ZC3H12B: variants seen among roughly 807,000 people sequenced by gnomAD.
ZC3H12B encodes the protein zinc finger CCCH-type containing 12B.
In ZC3H12B, 7 loss-of-function variants were observed where a neutral mutation model predicts 43.9. The ratio of observed to expected loss-of-function variants is 0.16; its 90% CI spans 0.09 to 0.30. ZC3H12B has a LOEUF of 0.30. Ranked by LOEUF, ZC3H12B falls within the 10% of genes least tolerant of loss-of-function variation. The pLI, the probability that ZC3H12B is intolerant of heterozygous loss-of-function variation, is 1.00. For synonymous variants in ZC3H12B, 222 were observed against 241.7 expected (o/e 0.92, Z 0.76); for missense variants, 475 against 670.2 (o/e 0.71, Z 3.22).
At chrX:65,129,254 T>C in the ZC3H12B span, among the ~76,000 whole-genome samples, 1 of 89,673 alleles carries the variant, frequency 1.1e-5, no homozygotes, top group African/African-American at 7.4e-5. Flanking sequence ...TGTGTGTATA[T>C]ATGTATATAT....
chrX:65,092,320 T>G, the ZC3H12B span, among the ~76,000 whole-genome samples: 1 of 111,526 alleles, frequency 9.0e-6, no homozygotes, highest in African/African-American at 3.3e-5. Context: ...CACAGAGAAG[T>G]GGGGCATTGT....
the ZC3H12B span, among the ~76,000 whole-genome samples, chrX:65,231,235 A>T: frequency 9.0e-6 from 1 of 111,140 alleles, no homozygotes; most frequent in Non-Finnish European, 1.9e-5. Context: ...TGGGTCACAG[A>T]GATCACATGC....
At chrX:65,177,415 A>C in the ZC3H12B span, among the ~76,000 whole-genome samples, 20 of 112,208 alleles carry the variant, frequency 1.8e-4, 1 homozygote, top group Non-Finnish European at 1.5e-4. Flanking sequence ...ATAGTATTGG[A>C]AGTTCTGGCC....
the ZC3H12B span, among the ~76,000 whole-genome samples, chrX:65,189,207 G>T: frequency 1.0e-4 from 11 of 105,017 alleles, no homozygotes; most frequent in African/African-American, 1.8e-4. Context: ...TGTTGGACAT[G>T]TGGGTTGGTT....
At chrX:65,174,311 CGTT>C in the ZC3H12B span, among the ~76,000 whole-genome samples, 2 of 112,270 alleles carry the variant, frequency 1.8e-5, no homozygotes, top group Non-Finnish European at 3.8e-5. Context: ...TCAAAAGTGA[CGTT>C]GTGTAAAAAT....
At chrX:65,344,706 A>T in the ZC3H12B span, among the ~76,000 whole-genome samples, 2 of 112,588 alleles carry the variant, frequency 1.8e-5, no homozygotes, top group Non-Finnish European at 3.8e-5. Flanking sequence ...ATGAAAGCAA[A>T]AACTGAAAAC....
the ZC3H12B span, among the ~76,000 whole-genome samples, chrX:65,265,014 G>T: frequency 8.9e-6 from 1 of 111,866 alleles, no homozygotes; most frequent in Non-Finnish European, 1.9e-5. Context: ...GCGAAGACTA[G>T]AATTCGGGAC....
At chrX:65,119,424 C>G in the ZC3H12B span, among the ~76,000 whole-genome samples, 56 of 111,772 alleles carry the variant, frequency 5.0e-4, no homozygotes, top group South Asian at 5.5e-3. Context: ...TTTTTCATGT[C>G]TCTGTTGGCT....
At chrX:65,269,293 G>A in the ZC3H12B span, among the ~76,000 whole-genome samples, 1 of 107,821 alleles carries the variant, frequency 9.3e-6, no homozygotes, top group East Asian at 2.9e-4. Flanking sequence ...TGCAGTGAAC[G>A]AAGATTGCAC....
At chrX:65,343,674 C>T in the ZC3H12B span, among the ~76,000 whole-genome samples, 4 of 112,078 alleles carry the variant, frequency 3.6e-5, no homozygotes, top group East Asian at 1.1e-3. Context: ...AAAGAACATA[C>T]ATGAAAATAA....
the ZC3H12B span, among the ~76,000 whole-genome samples, chrX:65,256,604 C>T: frequency 9.0e-6 from 1 of 111,369 alleles, no homozygotes; most frequent in African/African-American, 3.3e-5. Context: ...CTTGAATTAA[C>T]AACATAACAT....
the ZC3H12B span, among the ~76,000 whole-genome samples, chrX:65,068,752 G>A: frequency 5.5e-4 from 61 of 111,527 alleles, 1 homozygote; most frequent in East Asian, 0.017. Flanking sequence ...TTGCTAATTA[G>A]CATCTTTTTC....
intron 3 of ZC3H12B, among the ~76,000 whole-genome samples, chrX:65,452,776 G>C (rs1338565157): frequency 9.1e-6 from 1 of 109,345 alleles, no homozygotes; most frequent in Non-Finnish European, 1.9e-5. Context: ...GAGTGGTGGA[G>C]GTTACAGCAA....
chrX:65,230,081 C>A, the ZC3H12B span, among the ~76,000 whole-genome samples: 1 of 111,053 alleles, frequency 9.0e-6, no homozygotes, highest in Admixed American at 9.6e-5. Context: ...AAGACACATG[C>A]ACACGTATGT....
chrX:65,420,832 G>C (rs1175638086), intron 3 of ZC3H12B, among the ~76,000 whole-genome samples: 1 of 112,184 alleles, frequency 8.9e-6, no homozygotes, highest in Non-Finnish European at 1.9e-5. Context: ...AATTTCAATT[G>C]CATTTACTGT....
chrX:65,163,568 C>T, the ZC3H12B span, among the ~76,000 whole-genome samples: 1 of 111,782 alleles, frequency 8.9e-6, no homozygotes, highest in Non-Finnish European at 1.9e-5. Flanking sequence ...GTAGGACCCT[C>T]TGAGCTATGT....
chrX:65,455,093 G>C (rs187389201), intron 3 of ZC3H12B, among the ~76,000 whole-genome samples: 100 of 112,467 alleles, frequency 8.9e-4, no homozygotes, highest in African/African-American at 3.0e-3. Flanking sequence ...AAGGAATGCA[G>C]CTCCTCAACA....
At chrX:65,285,074 A>C in the ZC3H12B span, among the ~76,000 whole-genome samples, 1 of 110,423 alleles carries the variant, frequency 9.1e-6, no homozygotes, top group Non-Finnish European at 1.9e-5. Flanking sequence ...TTAATAAAAT[A>C]ATAGAAGAAA....
rs1279815061 is a variant in ZC3H12B at position 65,428,268 on chromosome X, C to T, written n.407+29564C>T. 3.6e-5 allele frequency among the ~76,000 whole-genome samples: 4 copies of T among 111,607 alleles called. No individual in the cohort carries two copies. In the East Asian group the frequency reaches 1.1e-3, roughly 32 times the overall value. ...ATTGATCTTTTTGTGGAGTATCTTA[C>T]TGAGGTTCTCTGCATTTCCTAAATT... On this transcript the variant is annotated intron_variant and non_coding_transcript_variant, in intron 3 of 5. Coordinates refer to the ZC3H12B transcript ENST00000617377.
Sources: gnomAD v4.1 joint callset for allele counts (sites outside exome capture counted in the v4.1 genomes callset) on GRCh38, gnomAD v4.1.1 for gene constraint, MANE v1.5 for transcripts, NCBI Gene and HGNC (gene_info 2026-07-23, HGNC 2026-07-21) for gene names.